The following PLPP1 variants were observed in gnomAD, a reference collection of about 807,000 sequenced individuals.
PLPP1 encodes phospholipid phosphatase 1, also known as lipid phosphate phosphohydrolase 1a.
Under a neutral mutation model 31.2 loss-of-function variants are expected in PLPP1, and 24 were observed. The observed-to-expected ratio is 0.77, with a 90% CI of 0.56 to 1.08. PLPP1 has a LOEUF of 1.08. PLPP1 is among the 50% of genes least tolerant of loss of function. PLPP1 has a pLI of 0.00. For missense variants in PLPP1, 319 were observed against 342.7 expected (o/e 0.93, Z 0.55); for synonymous variants, 146 against 126.3 (o/e 1.16, Z -1.05).
At chr5:55,436,021 A>G (rs78520479) in intron 4 of PLPP1, among the ~76,000 whole-genome samples, 57 of 148,772 alleles carry the variant, frequency 3.8e-4, no homozygotes, top group Non-Finnish European at 7.0e-4. Flanking sequence ...CTCAGAGAAA[A>G]AAAAAAAAAA....
intron 4 of PLPP1, among the ~76,000 whole-genome samples, chr5:55,437,505 T>G (rs1455777581): frequency 1.3e-5 from 2 of 151,686 alleles, no homozygotes; most frequent in Admixed American, 6.6e-5. Context: ...GCCTAAATAT[T>G]TATTATCTGA....
chr5:55,516,006 T>A (rs1753548355), intron 1 of PLPP1, among the ~76,000 whole-genome samples: 11 of 151,760 alleles, frequency 7.2e-5, no homozygotes, highest in Admixed American at 7.2e-4. Context: ...CTCCTCCCCA[T>A]CCCCCTTCCT....
chr5:55,523,358 T>C (rs1176829251), intron 1 of PLPP1, among the ~76,000 whole-genome samples: 1 of 152,122 alleles, frequency 6.6e-6, no homozygotes, highest in Admixed American at 6.5e-5. Flanking sequence ...TCATCAACCA[T>C]CCCCACTTCA....
At chr5:55,473,997 G>GTTTTTTTTT (rs756603259) in intron 2 of PLPP1, among the ~76,000 whole-genome samples, 2 of 28,034 alleles carry the variant, frequency 7.1e-5, no homozygotes, top group Non-Finnish European at 9.5e-5. Flanking sequence ...TTTGTTTGTT[G>GTTTTTTTTT]TTTTTTTTTT....
rs561424743 is a variant in PLPP1, at chr5:55,459,033, T to C, written c.491+8836A>G. Among the ~76,000 whole-genome samples the C allele has an allele frequency of 2.6e-5, 4 of 151,984 alleles. No individual in the cohort carries two copies. The East Asian group carries it at 7.7e-4, about 29-fold the overall frequency. On this transcript the variant is annotated intron_variant, in intron 3 of 5. Transcript: ENST00000307259. ...AGAATAAGCAAGATATGACTATATA[T>C]TGTCTCTAAAAGATACACTTTAAAT...
intron 1 of PLPP1, among the ~76,000 whole-genome samples, chr5:55,497,394 T>C (rs991960566): frequency 6.6e-6 from 1 of 151,328 alleles, no homozygotes; most frequent in Non-Finnish European, 1.5e-5. Context: ...TACAGGCCTG[T>C]GCTACCATTC....
At chr5:55,486,094 T>C (rs1305326037) in intron 1 of PLPP1, among the ~76,000 whole-genome samples, 2 of 152,214 alleles carry the variant, frequency 1.3e-5, no homozygotes, top group Non-Finnish European at 2.9e-5. Context: ...TTACCTTTGC[T>C]ACTGTGACAG....
intron 1 of PLPP1, among the ~76,000 whole-genome samples, chr5:55,527,572 G>C (rs1202368988): frequency 6.6e-6 from 1 of 152,192 alleles, no homozygotes; most frequent in African/African-American, 2.4e-5. Context: ...TTTAGACATA[G>C]ATGGGTATTA....
chr5:55,481,752 TCAGACTGTCAAATAA>T, intron 1 of PLPP1, among the ~76,000 whole-genome samples: 1 of 152,216 alleles, frequency 6.6e-6, no homozygotes, highest in South Asian at 2.1e-4. Context: ...GACATATAGG[TCAGACTGTCAAATAA>T]TGGAGCTATT....
At chr5:55,473,218 AAG>A (rs1752460207) in intron 2 of PLPP1, among the ~76,000 whole-genome samples, 3 of 152,190 alleles carry the variant, frequency 2.0e-5, no homozygotes, top group Admixed American at 1.3e-4. Context: ...ATTCAGTGTA[AAG>A]ATTTGTTTAG....
rs1192128610 is a variant in PLPP1, at chr5:55,511,530, G to A, written c.58+23042C>T. The stretch of plus-strand genomic sequence containing the variant: ...GGGTATATGGACATTAAAAAGCACT[G>A]GAAAGATAAGCAACCAAAATGTTAA... On this transcript the variant is annotated intron_variant, in intron 1 of 5. Transcript: ENST00000307259. Among the ~76,000 whole-genome samples, 10 of 151,644 alleles carry A rather than the reference G, an allele frequency of 6.6e-5. No individual in the cohort carries two copies. In the East Asian group the frequency reaches 1.9e-3, roughly 29 times the overall value.
chr5:55,449,007 CTG>C (rs1307121006), intron 3 of PLPP1, among the ~76,000 whole-genome samples: 3 of 152,116 alleles, frequency 2.0e-5, no homozygotes, highest in African/African-American at 7.2e-5. Flanking sequence ...AGAAAAAAGT[CTG>C]TATACGTTCA....
chr5:55,516,735 A>G (rs1753562051), intron 1 of PLPP1, among the ~76,000 whole-genome samples: 1 of 152,248 alleles, frequency 6.6e-6, no homozygotes, highest in African/African-American at 2.4e-5. Context: ...CATGAACACA[A>G]AAGAATTCTG....
chr5:55,522,862 G>A (rs1304547259), intron 1 of PLPP1, among the ~76,000 whole-genome samples: 15 of 152,246 alleles, frequency 9.9e-5, no homozygotes, highest in Non-Finnish European at 5.9e-5. Flanking sequence ...GGGACTACAG[G>A]CGCCCGCCAC....
At chr5:55,522,154 C>T (rs767195361) in intron 1 of PLPP1, among the ~76,000 whole-genome samples, 1 of 152,320 alleles carries the variant, frequency 6.6e-6, no homozygotes, top group South Asian at 2.1e-4. Flanking sequence ...TGCTAGAATG[C>T]ATTACCAAAG....
chr5:55,507,453 A>AAGAAATGAAC (rs1285903928), intron 1 of PLPP1, among the ~76,000 whole-genome samples: 10 of 150,582 alleles, frequency 6.6e-5, no homozygotes, highest in African/African-American at 2.5e-4. Flanking sequence ...GCCAACTAAG[A>AAGAAATGAAC]AGAAATGAAC....
intron 3 of PLPP1, among the ~76,000 whole-genome samples, chr5:55,445,787 T>C (rs1364710398): frequency 6.6e-6 from 1 of 151,946 alleles, no homozygotes; most frequent in Non-Finnish European, 1.5e-5. Context: ...TCGAGTGACC[T>C]GCCTGCCTCG....
At chr5:55,466,215 C>T (rs1264118895) in intron 3 of PLPP1, among the ~76,000 whole-genome samples, 1 of 152,196 alleles carries the variant, frequency 6.6e-6, no homozygotes, top group Non-Finnish European at 1.5e-5. Context: ...TGATCTTTCT[C>T]TTCTTTGACC....
chr5:55,491,860 G>GAAA (rs35303375), intron 1 of PLPP1, among the ~76,000 whole-genome samples: 1,281 of 102,068 alleles, frequency 0.013, 28 homozygotes, highest in Non-Finnish European at 0.016. Context: ...TCAATCTCAG[G>GAAA]AAAAAAAAAA....
Sources: gnomAD v4.1 joint callset for allele counts (sites outside exome capture counted in the v4.1 genomes callset) on GRCh38, gnomAD v4.1.1 for gene constraint, MANE v1.5 for transcripts, NCBI Gene and HGNC (gene_info 2026-07-23, HGNC 2026-07-21) for gene names.